CSMD1: variants seen among roughly 807,000 people sequenced by gnomAD.
CSMD1 encodes the protein CUB and sushi domain-containing protein 1.
CSMD1 carries 213 observed loss-of-function variants against 417.5 expected under a neutral mutation model. The observed-to-expected ratio is 0.51, with a 90% CI of 0.46 to 0.57. The LOEUF is 0.57. Ranked by LOEUF, CSMD1 falls within the 20% of genes least tolerant of loss-of-function variation. The pLI is 0.00. For missense variants in CSMD1, 6,923 were observed against 4,529.7 expected (o/e 1.53, Z -15.17); for synonymous variants, 2,862 against 1,736.8 (o/e 1.65, Z -16.11).
chr8:4,993,795 G>A (rs1811607365), intron 1 of CSMD1, among the ~76,000 whole-genome samples: 1 of 152,210 alleles, frequency 6.6e-6, no homozygotes. Flanking sequence ...GAGGGAAGGA[G>A]GAGAGGAGGA....
chr8:4,357,795 G>C (rs139683360), intron 3 of CSMD1, among the ~76,000 whole-genome samples: 4 of 152,246 alleles, frequency 2.6e-5, no homozygotes, highest in African/African-American at 9.6e-5. Context: ...TGGGGAGACA[G>C]AGGAGGAGAA....
chr8:3,294,275 C>G (rs959574055), intron 25 of CSMD1, among the ~76,000 whole-genome samples: 1 of 152,132 alleles, frequency 6.6e-6, no homozygotes, highest in African/African-American at 2.4e-5. Context: ...GGGTCAGGGA[C>G]CCCCTTGAGG....
chr8:3,999,683 C>T (rs2130353460), intron 4 of CSMD1, among the ~76,000 whole-genome samples: 2 of 152,296 alleles, frequency 1.3e-5, no homozygotes, highest in South Asian at 2.1e-4. Flanking sequence ...ACACACTAGG[C>T]ATTCTCATGC....
chr8:4,237,785 T>C (rs560435648), intron 3 of CSMD1, among the ~76,000 whole-genome samples: 2 of 152,312 alleles, frequency 1.3e-5, no homozygotes, highest in Non-Finnish European at 2.9e-5. Context: ...AGTGCTGAGA[T>C]TGTAGACATG....
chr8:4,757,858 C>T (rs1392504473), intron 1 of CSMD1, among the ~76,000 whole-genome samples: 1 of 149,372 alleles, frequency 6.7e-6, no homozygotes, highest in Non-Finnish European at 1.5e-5. Context: ...ACTGGGGAAG[C>T]TGAGGCAGAA....
chr8:3,875,779 C>G (rs1172566985), intron 5 of CSMD1, among the ~76,000 whole-genome samples: 1 of 152,066 alleles, frequency 6.6e-6, no homozygotes, highest in Non-Finnish European at 1.5e-5. Flanking sequence ...CTCCTCAAAG[C>G]TTTGTGGTAA....
intron 3 of CSMD1, among the ~76,000 whole-genome samples, chr8:4,173,674 G>C (rs28676528): frequency 6.6e-6 from 1 of 151,962 alleles, no homozygotes; most frequent in Admixed American, 6.5e-5. Flanking sequence ...TGTGATAACT[G>C]TAGTAGGAAA....
At chr8:4,343,683 C>G (rs1293609222) in intron 3 of CSMD1, among the ~76,000 whole-genome samples, 1 of 152,078 alleles carries the variant, frequency 6.6e-6, no homozygotes, top group Admixed American at 6.6e-5. Context: ...GTGATCTGAC[C>G]TTTGCAGCTT....
chr8:4,192,612 T>A lies in CSMD1; in HGVS notation c.416-160513A>T, dbSNP rs554139353. ...AGCTTTGCCCTATAATGAGAACAGG[T>A]TGGGCCACAGCAGAGGGCATATTTG... On this transcript the variant is annotated intron_variant, in intron 3 of 69. Coordinates refer to ENST00000635120, the MANE Select transcript of CSMD1 (RefSeq NM_033225.6). Among the ~76,000 whole-genome samples, 6 of 152,136 alleles carry A rather than the reference T, an allele frequency of 3.9e-5. 1 individual carries two copies. Among genetic ancestry groups the A allele is most frequent in the Admixed American group, 2.6e-4 (4 of 15,274 alleles).
chr8:4,159,776 G>C (rs1584931869), intron 3 of CSMD1, among the ~76,000 whole-genome samples: 3 of 152,276 alleles, frequency 2.0e-5, no homozygotes, highest in South Asian at 4.1e-4. Flanking sequence ...TTTTAGTAGA[G>C]ATGGGGTTTC....
intron 2 of CSMD1, among the ~76,000 whole-genome samples, chr8:4,537,854 A>G (rs1797177368): frequency 6.6e-6 from 1 of 152,138 alleles, no homozygotes; most frequent in Non-Finnish European, 1.5e-5. Flanking sequence ...CACTTTTTGC[A>G]TTGCTTTGAT....
intron 25 of CSMD1, among the ~76,000 whole-genome samples, chr8:3,291,781 C>G (rs1330945414): frequency 6.6e-6 from 1 of 151,328 alleles, no homozygotes; most frequent in Non-Finnish European, 1.5e-5. Context: ...AAGTCAGCTC[C>G]TGGATTCATT....
At chr8:3,483,283 C>T (rs915609722) in intron 11 of CSMD1, among the ~76,000 whole-genome samples, 1 of 151,604 alleles carries the variant, frequency 6.6e-6, no homozygotes, top group African/African-American at 2.4e-5. Flanking sequence ...TTACAAATAC[C>T]AGAAATAAAA....
At chr8:4,178,751 A>G (rs943915942) in intron 3 of CSMD1, among the ~76,000 whole-genome samples, 4 of 152,214 alleles carry the variant, frequency 2.6e-5, no homozygotes, top group African/African-American at 7.2e-5. Context: ...TACAAAATCA[A>G]TGTACAAAAA....
intron 35 of CSMD1, among the ~76,000 whole-genome samples, chr8:3,188,351 G>A (rs911819386): frequency 8.7e-6 from 1 of 114,788 alleles, no homozygotes; most frequent in Admixed American, 1.4e-4. Flanking sequence ...CTGTCACCCA[G>A]GCTTGAGTGC....
At chr8:4,201,586 G>T (rs1462531766) in intron 3 of CSMD1, among the ~76,000 whole-genome samples, 2 of 125,476 alleles carry the variant, frequency 1.6e-5, no homozygotes, top group Non-Finnish European at 3.4e-5. Context: ...ATCAGAAAAC[G>T]ATATGCAACA....
chr8:3,740,392 G>C (rs1796736054), intron 6 of CSMD1, among the ~76,000 whole-genome samples: 1 of 152,170 alleles, frequency 6.6e-6, no homozygotes, highest in Admixed American at 6.5e-5. Context: ...AATAACTGAT[G>C]ATAAAATGCA....
intron 7 of CSMD1, among the ~76,000 whole-genome samples, chr8:3,671,574 T>G (rs1172905105): frequency 1.9e-5 from 2 of 104,404 alleles, no homozygotes; most frequent in African/African-American, 7.8e-5. Context: ...TATATATATA[T>G]ATATATATAT....
intron 41 of CSMD1, among the ~76,000 whole-genome samples, chr8:3,132,900 C>G (rs1005746893): frequency 6.6e-6 from 1 of 152,206 alleles, no homozygotes; most frequent in Admixed American, 6.5e-5. Context: ...CACTCCCAGC[C>G]TTCTGTGCTC....
Sources: allele counts gnomAD v4.1 joint callset (sites outside exome capture counted in the v4.1 genomes callset), GRCh38; gene constraint gnomAD v4.1.1; transcripts MANE v1.5; gene names NCBI Gene and HGNC (gene_info 2026-07-23, HGNC 2026-07-21).